The following MCTP1 variants were observed in gnomAD, a reference collection of about 807,000 sequenced individuals.
MCTP1 encodes multiple C2 and transmembrane domain containing 1.
MCTP1 carries 69 observed loss-of-function variants against 120.6 expected under a neutral mutation model. The ratio of observed to expected loss-of-function variants is 0.57; its 90% CI spans 0.47 to 0.70. The LOEUF (loss-of-function observed/expected upper bound fraction) is 0.70, where lower values mean the gene tolerates loss of function less well. Ranked by LOEUF, MCTP1 falls within the 30% of genes least tolerant of loss-of-function variation. MCTP1 has a pLI of 0.00. For missense variants in MCTP1, 1,203 were observed against 1,248.8 expected (o/e 0.96, Z 0.55); for synonymous variants, 529 against 493.1 (o/e 1.07, Z -0.96).
intron 1 of MCTP1, among the ~76,000 whole-genome samples, chr5:95,233,727 G>C (rs1003337884): frequency 6.6e-6 from 1 of 152,152 alleles, no homozygotes; most frequent in Non-Finnish European, 1.5e-5. Flanking sequence ...ATAAAAATTT[G>C]AGGGATGCCA....
At chr5:95,040,441 T>A (rs1479396261) in intron 1 of MCTP1, among the ~76,000 whole-genome samples, 3 of 143,808 alleles carry the variant, frequency 2.1e-5, no homozygotes, top group African/African-American at 5.3e-5. Context: ...TGACTCTGTC[T>A]CAAAAAAAAA....
Position 95,171,381 on chromosome 5 carries a change from TA to T in MCTP1, c.720+112474del, listed in dbSNP as rs1747266482. On this transcript the variant is annotated intron_variant, in intron 1 of 22. Coordinates refer to ENST00000515393, the MANE Select transcript of MCTP1 (RefSeq NM_024717.7). ...TTTCAACTTTGGTGAATCTGACAAT[TA>T]TGTGTCTTGGAGTTGCCCTTCTCAA... Among the ~76,000 whole-genome samples the T allele has an allele frequency of 5.3e-5, 8 of 152,330 alleles. No individual in the cohort carries two copies. In the South Asian group the frequency reaches 1.4e-3, roughly 28 times the overall value.
chr5:95,069,905 G>A (rs932155162), intron 1 of MCTP1, among the ~76,000 whole-genome samples: 16 of 151,900 alleles, frequency 1.1e-4, no homozygotes, highest in African/African-American at 3.4e-4. Flanking sequence ...GGGTTTCACC[G>A]TGTTAGCCAG....
rs558884646 is a variant in MCTP1, at chr5:95,034,596, T to C, written c.721-17112A>G. On this transcript the variant is annotated intron_variant, in intron 1 of 22. Coordinates refer to ENST00000515393, the MANE Select transcript of MCTP1 (RefSeq NM_024717.7). ...ATTCAAGATGGATTAAAGACTTAAA[T>C]GGAAAACCTCAAACTAGAAAAATCC... Among the ~76,000 whole-genome samples, 8 of 152,126 alleles carry C rather than the reference T, an allele frequency of 5.3e-5. No individual in the cohort carries two copies. The South Asian group carries it at 1.7e-3, about 31-fold the overall frequency.
chr5:95,082,837 G>C (rs958365663), intron 1 of MCTP1, among the ~76,000 whole-genome samples: 1 of 152,098 alleles, frequency 6.6e-6, no homozygotes, highest in African/African-American at 2.4e-5. Flanking sequence ...TAGGCCTAGG[G>C]TTCAAGGCTC....
intron 19 of MCTP1, among the ~76,000 whole-genome samples, chr5:94,777,996 T>C (rs1403334474): frequency 1.3e-5 from 2 of 151,560 alleles, no homozygotes; most frequent in African/African-American, 4.9e-5. Flanking sequence ...AAAAAAATCA[T>C]GTGGAGAGTT....
intron 4 of MCTP1, among the ~76,000 whole-genome samples, chr5:94,942,026 C>A (rs115540793): frequency 6.6e-6 from 1 of 151,876 alleles, no homozygotes; most frequent in African/African-American, 2.4e-5. Flanking sequence ...TTTTTTTATG[C>A]CCCATTAAAA....
chr5:94,749,403 C>T (rs755474860), intron 19 of MCTP1, among the ~76,000 whole-genome samples: 1 of 151,988 alleles, frequency 6.6e-6, no homozygotes, highest in African/African-American at 2.4e-5. Flanking sequence ...GTCTGTAATC[C>T]CAGCACTTTG....
intron 1 of MCTP1, among the ~76,000 whole-genome samples, chr5:95,060,039 G>A (rs977260194): frequency 2.6e-5 from 4 of 152,176 alleles, no homozygotes; most frequent in Non-Finnish European, 5.9e-5. Context: ...GACATTCAAG[G>A]AGTCATTTTG....
intron 19 of MCTP1, among the ~76,000 whole-genome samples, chr5:94,762,218 A>G (rs1771526409): frequency 6.6e-6 from 1 of 152,228 alleles, no homozygotes; most frequent in Non-Finnish European, 1.5e-5. Context: ...TCACTCTTTA[A>G]TGACTTTTAA....
chr5:94,867,170 T>C (rs1437245679), intron 17 of MCTP1: 2 of 1,311,686 alleles, frequency 1.5e-6, no homozygotes, highest in African/African-American at 3.0e-5. Context: ...ATATTTATTA[T>C]AAGAAAGAGC....
chr5:94,795,793 C>A (rs1164556407), intron 18 of MCTP1, among the ~76,000 whole-genome samples: 5 of 152,228 alleles, frequency 3.3e-5, no homozygotes, highest in African/African-American at 1.2e-4. Context: ...GCCTCTTTCG[C>A]ATGGGCACCC....
At chr5:94,798,951 T>C (rs1780629499) in intron 18 of MCTP1, 62 bp downstream of exon 18, 1 of 1,539,154 alleles carries the variant, frequency 6.5e-7, no homozygotes, top group African/African-American at 1.4e-5. Context: ...TCAATGTTGA[T>C]CTTGTCAGAG....
intron 22 of MCTP1, chr5:94,708,247 C>G (rs1227951438): frequency 1.2e-5 from 3 of 257,586 alleles, no homozygotes; most frequent in Non-Finnish European, 2.2e-5. Context: ...GTCACAAACT[C>G]CAGCTGAACT....
At chr5:95,235,427 C>G (rs1211937189) in intron 1 of MCTP1, among the ~76,000 whole-genome samples, 1 of 151,834 alleles carries the variant, frequency 6.6e-6, no homozygotes, top group Non-Finnish European at 1.5e-5. Context: ...CTTATCACTT[C>G]TATTCAATAT....
intron 16 of MCTP1, among the ~76,000 whole-genome samples, chr5:94,870,167 A>G (rs1447207435): frequency 6.6e-6 from 1 of 152,136 alleles, no homozygotes; most frequent in Non-Finnish European, 1.5e-5. Context: ...CATCACCTAC[A>G]GTATCCCCTT....
intron 17 of MCTP1, among the ~76,000 whole-genome samples, chr5:94,830,053 T>G (rs193247679): frequency 6.6e-6 from 1 of 152,344 alleles, no homozygotes; most frequent in Non-Finnish European, 1.5e-5. Flanking sequence ...ATTCGGGATG[T>G]TTCATGTTAA....
chr5:95,003,759 T>A (rs1387244605), intron 2 of MCTP1, among the ~76,000 whole-genome samples: 1 of 152,218 alleles, frequency 6.6e-6, no homozygotes, highest in Admixed American at 6.5e-5. Flanking sequence ...CACGAGCTGA[T>A]TAAACCTCTT....
chr5:94,889,595 AT>A (rs1379113753), intron 11 of MCTP1, among the ~76,000 whole-genome samples: 1 of 152,188 alleles, frequency 6.6e-6, no homozygotes, highest in Non-Finnish European at 1.5e-5. Flanking sequence ...ACTCAAAAAA[AT>A]AAATTCAAAA....
Sources: gnomAD v4.1 joint callset for allele counts (sites outside exome capture counted in the v4.1 genomes callset) on GRCh38, gnomAD v4.1.1 for gene constraint, MANE v1.5 for transcripts, NCBI Gene and HGNC (gene_info 2026-07-23, HGNC 2026-07-21) for gene names.